PACRG: variants seen among roughly 807,000 people sequenced by gnomAD.
PACRG encodes parkin coregulated gene protein.
PACRG carries 29 observed loss-of-function variants against 29.7 expected under a neutral mutation model. The ratio of observed to expected loss-of-function variants is 0.98; its 90% CI spans 0.73 to 1.33. The LOEUF is 1.33. Ranked by LOEUF, PACRG falls within the 40% of genes most tolerant of loss-of-function variation. PACRG has a pLI of 0.00. For synonymous variants in PACRG, 116 were observed against 118.7 expected, an observed-to-expected ratio of 0.98 and a Z score of 0.15; for missense variants, 279 against 316.2, an observed-to-expected ratio of 0.88 and a Z score of 0.89.
At chr6:163,136,149 T>G (rs938836218) in intron 4 of PACRG, among the ~76,000 whole-genome samples, 17 of 152,332 alleles carry the variant, frequency 1.1e-4, no homozygotes, top group African/African-American at 3.8e-4. Context: ...CGGATTTTTG[T>G]ACCTTGATTA....
intron 1 of PACRG, among the ~76,000 whole-genome samples, chr6:162,743,859 C>A (rs1780785081): frequency 6.6e-6 from 1 of 152,128 alleles, no homozygotes; most frequent in African/African-American, 2.4e-5. Flanking sequence ...TATCATCCAC[C>A]AAATGGCTTA....
intron 1 of PACRG, among the ~76,000 whole-genome samples, chr6:162,787,576 GTGTGTGTATATATA>G (rs1208234108): frequency 0.012 from 684 of 59,468 alleles, 5 homozygotes; most frequent in African/African-American, 0.04. Context: ...GTGTGTGTGT[GTGTGTGTATATATA>G]TATATATATA....
chr6:162,762,531 C>T (rs9456810), intron 1 of PACRG, among the ~76,000 whole-genome samples: 98,133 of 151,906 alleles, frequency 0.65, 32,154 homozygotes, highest in South Asian at 0.82. Context: ...GTGTTGTACT[C>T]GTGATTTTTA....
intron 4 of PACRG, among the ~76,000 whole-genome samples, chr6:163,210,823 C>G (rs1261375566): frequency 1.3e-5 from 2 of 152,200 alleles, no homozygotes; most frequent in African/African-American, 4.8e-5. Context: ...ACAGCAAGCT[C>G]TTTAAATCAG....
chr6:163,301,035 GCTGCCCGTGA>G (rs1784978935), intron 4 of PACRG, among the ~76,000 whole-genome samples: 1 of 143,990 alleles, frequency 6.9e-6, no homozygotes, highest in Non-Finnish European at 1.5e-5. Flanking sequence ...CACGTCAGCT[GCTGCCCGTGA>G]GTTTAGTAGG....
intron 3 of PACRG, among the ~76,000 whole-genome samples, chr6:163,073,642 G>C (rs1812278846): frequency 6.6e-6 from 1 of 152,190 alleles, no homozygotes; most frequent in Admixed American, 6.5e-5. Context: ...AAAGTGAAGA[G>C]ACATCTCACA....
chr6:163,161,758 T>C (rs568289302), intron 4 of PACRG, among the ~76,000 whole-genome samples: 4 of 152,160 alleles, frequency 2.6e-5, no homozygotes, highest in Non-Finnish European at 5.9e-5. Flanking sequence ...TCCTCTGACA[T>C]CGGGGTTCAA....
At chr6:163,253,933 C>T (rs1039973456) in intron 4 of PACRG, among the ~76,000 whole-genome samples, 38 of 152,154 alleles carry the variant, frequency 2.5e-4, no homozygotes, top group African/African-American at 8.4e-4. Context: ...AGACCCCTGA[C>T]GGGGAGCCAG....
intron 2 of PACRG, among the ~76,000 whole-genome samples, chr6:162,965,868 G>C (rs994264854): frequency 6.6e-6 from 1 of 152,232 alleles, no homozygotes; most frequent in Non-Finnish European, 1.5e-5. Flanking sequence ...AGCAAAAGCA[G>C]CTGATGAGAA....
chr6:163,107,434 G>C (rs1815444022), intron 4 of PACRG, among the ~76,000 whole-genome samples: 2 of 152,140 alleles, frequency 1.3e-5, no homozygotes, highest in Admixed American at 6.6e-5. Flanking sequence ...CATTGGTGGT[G>C]GATCCCAGTT....
At chr6:163,101,063 T>A in intron 4 of PACRG, 1 of 982,480 alleles carries the variant, frequency 1.0e-6, no homozygotes, top group Non-Finnish European at 1.2e-6. Flanking sequence ...TATATTCATT[T>A]TGAGGCGGTC....
At chr6:162,746,782 A>G (rs1781019433) in intron 1 of PACRG, among the ~76,000 whole-genome samples, 1 of 152,168 alleles carries the variant, frequency 6.6e-6, no homozygotes, top group Non-Finnish European at 1.5e-5. Context: ...TTCCGCTCAG[A>G]ATGTCCATCC....
chr6:162,917,717 G>A (rs1046601170), intron 2 of PACRG, among the ~76,000 whole-genome samples: 37 of 151,920 alleles, frequency 2.4e-4, no homozygotes, highest in African/African-American at 8.7e-4. Context: ...TGGCACTGCC[G>A]GAGTTCTGAT....
intron 2 of PACRG, among the ~76,000 whole-genome samples, chr6:162,844,787 T>G (rs964688071): frequency 3.3e-5 from 5 of 152,270 alleles, no homozygotes; most frequent in African/African-American, 1.2e-4. Context: ...CTGTTAAACA[T>G]CTTAAAATGG....
chr6:162,742,554 C>A (rs1780681056), intron 1 of PACRG, among the ~76,000 whole-genome samples: 1 of 152,122 alleles, frequency 6.6e-6, no homozygotes, highest in Non-Finnish European at 1.5e-5. Flanking sequence ...ATTTCACATG[C>A]ATAAATATTC....
intron 3 of PACRG, among the ~76,000 whole-genome samples, chr6:163,065,489 G>A (rs1811457581): frequency 6.6e-6 from 1 of 152,170 alleles, no homozygotes; most frequent in Non-Finnish European, 1.5e-5. Flanking sequence ...GCAGAGAGGG[G>A]CCAAGAGCAA....
intron 4 of PACRG, chr6:163,310,379 T>G (rs952714138): frequency 6.6e-6 from 1 of 152,268 alleles, no homozygotes; most frequent in African/African-American, 2.4e-5. Context: ...AAGTGACCAC[T>G]GTATGCTACA....
In PACRG at chr6:163,089,255, A is replaced by G. The variant is rs199757159; in HGVS notation, c.464-4A>G. 2.3e-3 allele frequency: 3,732 copies of G among 1,613,080 alleles called. 7 individuals carry two copies. The highest frequency in any genetic ancestry group is 2.8e-3 in the Non-Finnish European group (3,360 of 1,179,352). On this transcript the variant is annotated splice_polypyrimidine_tract_variant and splice_region_variant and intron_variant, in intron 3 of 4. Coordinates refer to ENST00000366888, the MANE Select transcript of PACRG (RefSeq NM_001080379.2). ...TTCTGCTTGGTCCTTCTTTTACCATATAGATGCCTTGAACCTCCGAAACCG... is the reference window on the plus strand; with the variant it reads ...TTCTGCTTGGTCCTTCTTTTACCATGTAGATGCCTTGAACCTCCGAAACCG...
At chr6:163,116,877 G>T (rs1042243075) in intron 4 of PACRG, among the ~76,000 whole-genome samples, 1 of 152,162 alleles carries the variant, frequency 6.6e-6, no homozygotes, top group African/African-American at 2.4e-5. Flanking sequence ...CACAGGAGAC[G>T]CAGGTGGTGC....
Sources: gnomAD v4.1 joint callset for allele counts (sites outside exome capture counted in the v4.1 genomes callset) on GRCh38, gnomAD v4.1.1 for gene constraint, MANE v1.5 for transcripts, NCBI Gene and HGNC (gene_info 2026-07-23, HGNC 2026-07-21) for gene names.